The following CCNE2 variants were observed in gnomAD, a reference collection of about 807,000 sequenced individuals.
The protein encoded by CCNE2 is cyclin E2.
A neutral mutation model predicts 56.8 loss-of-function variants in CCNE2; 18 were observed. The observed-to-expected ratio is 0.32, with a 90% CI of 0.22 to 0.47. The LOEUF is 0.47. Ranked by LOEUF, CCNE2 falls within the 20% of genes least tolerant of loss-of-function variation. CCNE2 has a pLI of 1.00. For synonymous variants in CCNE2, 139 were observed against 149.2 expected (o/e 0.93, Z 0.50); for missense variants, 371 against 467.1 (o/e 0.79, Z 1.90).
chr8:94,889,825 G>A (rs974038521), intron 6 of CCNE2, among the ~76,000 whole-genome samples: 8 of 152,120 alleles, frequency 5.3e-5, no homozygotes, highest in Admixed American at 6.5e-5. Flanking sequence ...AAAGGGAATG[G>A]ACCTAAACAA....
chr8:94,883,158 C>G (rs1200120745), intron 9 of CCNE2, among the ~76,000 whole-genome samples: 1 of 152,104 alleles, frequency 6.6e-6, no homozygotes, highest in Admixed American at 6.6e-5. Context: ...CGCCTGTAGT[C>G]CCAGCTACTC....
chr8:94,892,070 A>T lies in CCNE2; in HGVS notation c.317+748T>A, dbSNP rs1586556691. 3 of 675,228 alleles carry T rather than the reference A, an allele frequency of 4.4e-6. No individual in the cohort carries two copies. The East Asian group carries it at 9.7e-5, about 22-fold the overall frequency. 41.8% of individuals were successfully genotyped at this position (675,228 alleles called of 1,614,324 possible). On this transcript the variant is annotated intron_variant, in intron 5 of 11. Transcript: ENST00000308108. Reference sequence around the variant, plus strand: ...GCCCAGAAGAAAAAGATATCCCAGAAGAAACTGAAGAAACAAAAACTTATG... The same window carrying T: ...GCCCAGAAGAAAAAGATATCCCAGATGAAACTGAAGAAACAAAAACTTATG...
At chr8:94,890,249 A>G (rs1817180783) in intron 6 of CCNE2, among the ~76,000 whole-genome samples, 166 bp downstream of exon 6, 1 of 152,202 alleles carries the variant, frequency 6.6e-6, no homozygotes, top group South Asian at 2.1e-4. Context: ...TTACTCTTAT[A>G]GAGTCACTTT....
chr8:94,892,247 A>C (rs1158565950), intron 5 of CCNE2: 1 of 359,464 alleles, frequency 2.8e-6, no homozygotes, highest in Non-Finnish European at 5.3e-6. Context: ...CTACAGCAGG[A>C]TCACCTATGG....
rs546674172 is a variant in CCNE2, at chr8:94,884,295, C to T, written c.831+772G>A. On this transcript the variant is annotated intron_variant, in intron 9 of 11. Coordinates refer to ENST00000308108, the MANE Select transcript of CCNE2 (RefSeq NM_057749.3). ...TTTGTTATATGGCAGATACAGCAGCCTTAAGATTACTTACGAGAAGTAAGC... is the reference window on the plus strand; with the variant it reads ...TTTGTTATATGGCAGATACAGCAGCTTTAAGATTACTTACGAGAAGTAAGC... Among the ~76,000 whole-genome samples, 23 of 151,494 alleles carry T rather than the reference C, an allele frequency of 1.5e-4. No homozygotes were observed. In the East Asian group the frequency reaches 4.5e-3, roughly 29 times the overall value.
At position 94,893,908 on chromosome 8, in the gene CCNE2, G is replaced by A; in HGVS notation, c.148C>T (p.His50Tyr). Residue 50 changes from histidine to tyrosine, a missense_variant, in exon 4 of 12, where the codon CAT (histidine) becomes TAT (tyrosine). Transcript: ENST00000308108. ...TGCATTACCCTAATTTCATACTGAT[G>A]TTTCTTGGTGACCTCCTCTCTTCTT... ...KKRREEVTKK[H>Y]QYEIRNCWPP... The A allele has an allele frequency of 6.2e-7, 1 of 1,610,028 alleles. No homozygotes were observed. Among genetic ancestry groups the A allele is most frequent in the Non-Finnish European group, 8.5e-7 (1 of 1,176,620 alleles).
rs1330310208 is a variant in CCNE2 at position 94,881,512 on chromosome 8, AC to A, written c.*119del. 3.4e-6 allele frequency: 3 copies of A among 874,798 alleles called. No individual in the cohort carries two copies. In the African/African-American group the frequency reaches 5.1e-5, roughly 15 times the overall value. 54.2% of individuals were successfully genotyped at this position (874,798 alleles called of 1,614,324 possible). On this transcript the variant is annotated 3_prime_UTR_variant, in exon 12 of 12. Transcript: ENST00000308108. ...GTTTTAAAATCAGAATGGCAGTGTA[AC>A]TTGTGAATTGGCTAGGGCAATCAAT... is the stretch of plus-strand genomic sequence containing the variant.
At position 94,890,491 on chromosome 8, in the gene CCNE2, T is replaced by G; in HGVS notation, c.377A>C (p.His126Pro). 1.9e-6 allele frequency: 3 copies of G among 1,605,752 alleles called. No individual in the cohort carries two copies. The South Asian group carries it at 3.3e-5, about 18-fold the overall frequency. ...NMLKKESRYVHDKHFEVLHSD... is the reference protein window; with the variant it reads ...NMLKKESRYVPDKHFEVLHSD... Reference sequence around the variant, plus strand: ...ATGCAGAACTTCAAAATGTTTGTCATGAACATATCTGCTCTCCTTTTTTAA... The same window carrying G: ...ATGCAGAACTTCAAAATGTTTGTCAGGAACATATCTGCTCTCCTTTTTTAA... Residue 126 changes from histidine to proline, a missense_variant, in exon 6 of 12, where the codon CAT (histidine) becomes CCT (proline). By Grantham distance (77) the His-to-Pro change is moderately conservative. Coordinates refer to ENST00000308108, the MANE Select transcript of CCNE2 (RefSeq NM_057749.3).
chr8:94,886,472 C>T (rs545424965), intron 7 of CCNE2, among the ~76,000 whole-genome samples: 2 of 152,062 alleles, frequency 1.3e-5, no homozygotes, highest in East Asian at 1.9e-4. Flanking sequence ...TTTGGGAGGT[C>T]GAGGTAGGAG....
Position 94,884,839 on chromosome 8 carries a change from T to G in CCNE2, c.831+228A>C, listed in dbSNP as rs1586547752. Reference sequence around the variant, plus strand: ...TATATCAAAAAGAGATACTTTAGTTTGGACTCCTAAAGAATGAAAGTACTC... The same window carrying G: ...TATATCAAAAAGAGATACTTTAGTTGGGACTCCTAAAGAATGAAAGTACTC... On this transcript the variant is annotated intron_variant, in intron 9 of 11. Transcript: ENST00000308108. 12 of 383,908 alleles carry G rather than the reference T, an allele frequency of 3.1e-5. No homozygotes were observed. The East Asian group carries it at 4.9e-4, about 16-fold the overall frequency. The allele number at this position is 383,908 out of a possible 1,614,324, so 23.8% of individuals were successfully genotyped here.
At chr8:94,890,304 A>G (rs1417508007) in intron 6 of CCNE2, 111 bp downstream of exon 6, 14 of 907,934 alleles carry the variant, frequency 1.5e-5, no homozygotes, top group Admixed American at 2.9e-5. Flanking sequence ...CAAAAAAGAC[A>G]GCTTCCTGGG....
In CCNE2 at chr8:94,882,871, C is replaced by T; in HGVS notation, c.853G>A (p.Ala285Thr). Residue 285 changes from alanine to threonine, a missense_variant, in exon 10 of 12, where the codon GCC becomes ACC. Coordinates refer to ENST00000308108, the MANE Select transcript of CCNE2 (RefSeq NM_057749.3). Reference protein sequence around the residue: ...IAQLLDLCILAIDSLEFQYRI... With the variant: ...IAQLLDLCILTIDSLEFQYRI... ...TACTGGAACTCTAATGAATCAATGGCTAGAATACACAGATCTAAAAGCTAA... is the reference window on the plus strand; with the variant it reads ...TACTGGAACTCTAATGAATCAATGGTTAGAATACACAGATCTAAAAGCTAA... 1 of 1,611,686 alleles carries T rather than the reference C, an allele frequency of 6.2e-7. No individual in the cohort carries two copies. Among genetic ancestry groups the T allele is most frequent in the Non-Finnish European group, 8.5e-7 (1 of 1,178,042 alleles).
Position 94,893,634 on chromosome 8 carries a change from C to T in CCNE2, c.165+257G>A. 4 of 510,396 alleles carry T rather than the reference C, an allele frequency of 7.8e-6. No homozygotes were observed. In the South Asian group the frequency reaches 1.0e-4, roughly 13 times the overall value. The allele number at this position is 510,396 out of a possible 1,614,324, so 31.6% of individuals were successfully genotyped here. A position where few individuals can be genotyped will look rare whatever the true frequency, so the allele number is the denominator to read the frequency against. On this transcript the variant is annotated intron_variant, in intron 4 of 11. Coordinates refer to ENST00000308108, the MANE Select transcript of CCNE2 (RefSeq NM_057749.3). ...GTATATTGGACAGATTAGGCGGGCC[C>T]TGGTGCACCAGGCAGTTCCAAGAGG...
Position 94,880,736 on chromosome 8 carries a change from CATAA to C in CCNE2, c.*892_*895del. On this transcript the variant is annotated 3_prime_UTR_variant, in exon 12 of 12. Transcript: ENST00000308108. ...GAAAGGACCTTAACAGTTTCACAAA[CATAA>C]ATAAAGCCTTAGTCACACTAAATTA... 1 of 396,214 alleles carries C rather than the reference CATAA, an allele frequency of 2.5e-6. No individual in the cohort carries two copies. Among genetic ancestry groups the C allele is most frequent in the Non-Finnish European group, 4.4e-6 (1 of 225,030 alleles). 24.5% of individuals were successfully genotyped at this position (396,214 alleles called of 1,614,324 possible).
chr8:94,890,592 T>TA (rs386413388), intron 5 of CCNE2, 42 bp from the exon 6 acceptor site: 2,192 of 62,672 alleles, frequency 0.035, 6 homozygotes, highest in East Asian at 0.17. Flanking sequence ...TATATATATA[T>TA]TTTTTTTTTT....
At chr8:94,887,019 G>C (rs1295559904) in intron 7 of CCNE2, among the ~76,000 whole-genome samples, 2 of 152,050 alleles carry the variant, frequency 1.3e-5, no homozygotes, top group African/African-American at 4.8e-5. Flanking sequence ...ACATTTAAAA[G>C]AAAAAGGAAA....
chr8:94,893,139 C>T (rs1817306652), intron 4 of CCNE2, among the ~76,000 whole-genome samples, 170 bp from the exon 5 acceptor site: 1 of 152,092 alleles, frequency 6.6e-6, no homozygotes, highest in Admixed American at 6.5e-5. Context: ...CCATATAGCT[C>T]ATATTGATTT....
intron 7 of CCNE2, among the ~76,000 whole-genome samples, chr8:94,886,077 G>T (rs1393093512): frequency 6.6e-6 from 1 of 151,982 alleles, no homozygotes; most frequent in Non-Finnish European, 1.5e-5. Flanking sequence ...TACGTCAAGG[G>T]GCATAATGAA....
At chr8:94,894,556 T>TC (rs1817389774) in intron 1 of CCNE2, 1 of 314,080 alleles carries the variant, frequency 3.2e-6, no homozygotes, top group South Asian at 5.7e-5. Flanking sequence ...CTCCACCCTC[T>TC]CCCCCGTACA....
Sources: gnomAD v4.1 joint callset for allele counts (sites outside exome capture counted in the v4.1 genomes callset) on GRCh38, gnomAD v4.1.1 for gene constraint, MANE v1.5 for transcripts, NCBI Gene and HGNC (gene_info 2026-07-23, HGNC 2026-07-21) for gene names.